SUPT6H: variants seen among roughly 807,000 people sequenced by gnomAD.
SUPT6H encodes the protein SPT6 homolog, histone chaperone and transcription elongation factor.
In SUPT6H, 11 loss-of-function variants were observed where a neutral mutation model predicts 222.3. That is an observed-to-expected ratio of 0.05 (90% CI 0.03 to 0.08). SUPT6H has a LOEUF of 0.08. SUPT6H is among the 10% of genes least tolerant of loss of function. The pLI is 1.00. For synonymous variants in SUPT6H, 762 were observed against 801.2 expected (o/e 0.95, Z 0.83); for missense variants, 1,422 against 2,216.0 (o/e 0.64, Z 7.19).
chr17:28,666,442 A>G (rs2030016901), intron 1 of SUPT6H, among the ~76,000 whole-genome samples: 1 of 152,100 alleles, frequency 6.6e-6, no homozygotes, highest in African/African-American at 2.4e-5. Flanking sequence ...AGTAACTGTT[A>G]ATCTCTCTTT....
intron 1 of SUPT6H, among the ~76,000 whole-genome samples, chr17:28,666,214 C>T (rs989045906): frequency 6.6e-6 from 1 of 152,222 alleles, no homozygotes; most frequent in Non-Finnish European, 1.5e-5. Context: ...GTTAGGTTGT[C>T]TTATTACAGG....
At chr17:28,700,149 T>C in intron 33 of SUPT6H, 24 bp from the exon 34 acceptor site, 2 of 1,614,078 alleles carry the variant, frequency 1.2e-6, no homozygotes, top group Non-Finnish European at 8.5e-7. Context: ...TGGAGGGATG[T>C]AACTAAATAA....
At position 28,687,186 on chromosome 17, in the gene SUPT6H, C is replaced by T. The variant is rs145262815; in HGVS notation, c.2799C>T (p.Ser933=). Reference sequence around the variant, plus strand: ...TTGAATTTGCCCAGGTGTGCAGTTCCGATGAAGACATCCTGTGTCTCAAGT... The same window carrying T: ...TTGAATTTGCCCAGGTGTGCAGTTCTGATGAAGACATCCTGTGTCTCAAGT... ...PLIEFAQVCS[S]DEDILCLKFH... Residue 933 remains serine (S), a synonymous_variant, in exon 22 of 37, where the codon TCC becomes TCT. Transcript: ENST00000314616. The T allele has an allele frequency of 3.5e-5, 56 of 1,613,986 alleles. No individual in the cohort carries two copies. The highest frequency in any genetic ancestry group is 3.1e-4 in the South Asian group (28 of 91,072).
At chr17:28,693,623 C>G in intron 27 of SUPT6H, 73 bp from the exon 28 acceptor site, 1 of 1,576,550 alleles carries the variant, frequency 6.3e-7, no homozygotes, top group Non-Finnish European at 8.7e-7. Context: ...TACAACACCT[C>G]TGGGAGCTCT....
chr17:28,663,948 A>G (rs1056246588), intron 1 of SUPT6H, among the ~76,000 whole-genome samples: 44 of 149,950 alleles, frequency 2.9e-4, no homozygotes, highest in Non-Finnish European at 3.0e-5. Context: ...CTCCTGAGGC[A>G]GCTTCTAGTA....
intron 19 of SUPT6H, among the ~76,000 whole-genome samples, chr17:28,685,980 C>T (rs778195213): frequency 1.3e-5 from 2 of 152,116 alleles, no homozygotes; most frequent in African/African-American, 4.8e-5. Context: ...TTTCAAAGGG[C>T]CCTCACCCAA....
chr17:28,688,003 T>C lies in SUPT6H; in HGVS notation c.3007-88T>C. 1 of 1,406,956 alleles carries C rather than the reference T, an allele frequency of 7.1e-7. No individual in the cohort carries two copies. Among genetic ancestry groups the C allele is most frequent in the Non-Finnish European group, 9.3e-7 (1 of 1,071,272 alleles). The allele number at this position is 1,406,956 out of a possible 1,614,324, so 87.2% of individuals were successfully genotyped here. A position where few individuals can be genotyped will look rare whatever the true frequency, so the allele number is the denominator to read the frequency against. On this transcript the variant is annotated intron_variant, in intron 23 of 36. Transcript: ENST00000314616. This position sits in a 1 kb window ranked among gnomAD's most constrained non-coding sequence, Gnocchi z 4.3. Reference sequence around the variant, plus strand: ...ACTAGATACTGGGTGGGACAGAGTTTTTGTTATGAGGGTTTAATAGAGACT... The same window carrying C: ...ACTAGATACTGGGTGGGACAGAGTTCTTGTTATGAGGGTTTAATAGAGACT...
Position 28,683,421 on chromosome 17 carries a change from G to A in SUPT6H, c.2032G>A (p.Gly678Ser), listed in dbSNP as rs754407097. 4 of 1,614,144 alleles carry A rather than the reference G, an allele frequency of 2.5e-6. No individual in the cohort carries two copies. Among genetic ancestry groups the A allele is most frequent in the African/African-American group, 1.3e-5 (1 of 75,052 alleles). ...DISIDLKGVE[G>S]YGNDQTYFEE... ...CAGCATAGATTTGAAGGGAGTGGAA[G>A]GGTAAGCAGAGCCCTGGGCTGGCGA... Residue 678 changes from glycine to serine, a missense_variant and splice_region_variant, in exon 16 of 37, where the codon GGC (glycine) becomes AGC (serine). Physicochemically the swap from Gly to Ser is moderately conservative, Grantham distance 56. Around this residue, in one of 13 missense-constraint regions of SUPT6H, gnomAD observed 121 missense variants for 158.0 expected, o/e 0.77. Transcript: ENST00000314616.
chr17:28,685,335 A>G (rs1160862909), intron 19 of SUPT6H, among the ~76,000 whole-genome samples: 1 of 152,012 alleles, frequency 6.6e-6, no homozygotes, highest in East Asian at 1.9e-4. Context: ...GAAGACTTTC[A>G]ATTCATTTGG....
intron 11 of SUPT6H, among the ~76,000 whole-genome samples, chr17:28,680,015 AAAAAGG>A (rs2031006629): frequency 6.9e-6 from 1 of 145,356 alleles, no homozygotes; most frequent in Non-Finnish European, 1.5e-5. Flanking sequence ...AGAAAGAAAG[AAAAAGG>A]AGGCCAGGCG....
chr17:28,693,477 A>G (rs1476288190), intron 27 of SUPT6H, among the ~76,000 whole-genome samples: 1 of 152,154 alleles, frequency 6.6e-6, no homozygotes, highest in Admixed American at 6.5e-5. Flanking sequence ...AAAGAAAAAG[A>G]TTCATCTGAT....
intron 27 of SUPT6H, among the ~76,000 whole-genome samples, chr17:28,692,548 G>A (rs1051941952): frequency 6.8e-6 from 1 of 147,258 alleles, no homozygotes; most frequent in African/African-American, 2.5e-5. Flanking sequence ...GGCCTCAGTT[G>A]CAGCTAAAGG....
chr17:28,684,546 G>T (rs956580034), intron 17 of SUPT6H, 40 bp from the exon 18 acceptor site: 22 of 1,612,154 alleles, frequency 1.4e-5, no homozygotes, highest in Non-Finnish European at 1.9e-5. Flanking sequence ...TGACCATAAT[G>T]TCATCATGTA....
rs1443072245 is a variant in SUPT6H at position 28,699,887 on chromosome 17, G to T, written c.4555G>T (p.Val1519Leu). 6.2e-7 allele frequency: 1 copy of T among 1,612,872 alleles called. No homozygotes were observed. The highest frequency in any genetic ancestry group is 2.2e-5 in the East Asian group (1 of 44,894). ...RWFKDHYQDP[V>L]PGITPSSSSR... is the part of the protein sequence containing the mutation. ...GTTTAAGGATCACTACCAGGATCCT[G>T]TACCAGGTGAGTTCTGCTCTTCCTG... is the stretch of plus-strand genomic sequence containing the variant. The change falls in exon 33 of 37, where the codon GTA becomes TTA. Residue 1519 changes from valine to leucine, a missense_variant. Coordinates refer to ENST00000314616, the MANE Select transcript of SUPT6H (RefSeq NM_003170.5).
At position 28,701,128 on chromosome 17, in the gene SUPT6H, A is replaced by G; in HGVS notation, c.4994A>G (p.Lys1665Arg). Residue 1665 changes from lysine to arginine, a missense_variant and splice_region_variant, in exon 36 of 37, where the codon AAG (lysine) becomes AGG (arginine). Coordinates refer to ENST00000314616, the MANE Select transcript of SUPT6H (RefSeq NM_003170.5). Reference sequence around the variant, plus strand: ...TCCCGGCAACGGCAGCAGCAGCCAAAGTAAGTATCTGGATGGTGGCACAGT... The same window carrying G: ...TCCCGGCAACGGCAGCAGCAGCCAAGGTAAGTATCTGGATGGTGGCACAGT... The part of the protein sequence containing the change: ...SSSRQRQQQP[K>R]SNSHAAIDWG... 1 of 1,606,794 alleles carries G rather than the reference A, an allele frequency of 6.2e-7. No homozygotes were observed. The highest frequency in any genetic ancestry group is 8.5e-7 in the Non-Finnish European group (1 of 1,178,342).
chr17:28,690,889 G>A (rs775759672), intron 26 of SUPT6H, 32 bp from the exon 27 acceptor site: 2 of 1,606,978 alleles, frequency 1.2e-6, no homozygotes, highest in Non-Finnish European at 1.7e-6. Flanking sequence ...CATTCTCTGA[G>A]CCTGCTCCCC....
intron 21 of SUPT6H, 30 bp downstream of exon 21, chr17:28,686,819 G>A (rs769413659): frequency 1.3e-6 from 2 of 1,562,396 alleles, no homozygotes; most frequent in South Asian, 1.2e-5. Flanking sequence ...CTTAGGGCCT[G>A]CCCAGGCAAG....
At chr17:28,676,100 T>A in intron 6 of SUPT6H, 57 bp from the exon 7 acceptor site, 1 of 1,527,242 alleles carries the variant, frequency 6.5e-7, no homozygotes, top group Non-Finnish European at 8.8e-7. Flanking sequence ...ATGCAAGGGC[T>A]GCATTTCTCT....
chr17:28,677,629 C>T (rs1269194675), intron 7 of SUPT6H, 86 bp from the exon 8 acceptor site: 15 of 902,868 alleles, frequency 1.7e-5, no homozygotes, highest in Non-Finnish European at 2.7e-5. Flanking sequence ...ACTTGATGAT[C>T]ACACGTTTCT....
Sources: gnomAD v4.1 joint callset for allele counts (sites outside exome capture counted in the v4.1 genomes callset) on GRCh38, gnomAD v4.1.1 for gene constraint, gnomAD v4.1.1 regional missense constraint, Gnocchi (gnomAD v3.1) non-coding constraint, MANE v1.5 for transcripts, NCBI Gene and HGNC (gene_info 2026-07-23, HGNC 2026-07-21) for gene names.